ANKS4B: variants seen among roughly 807,000 people sequenced by gnomAD.
The protein encoded by ANKS4B is ankyrin repeat and sterile alpha motif domain containing 4B.
In ANKS4B, 21 loss-of-function variants were observed where a neutral mutation model predicts 20.2. That is an observed-to-expected ratio of 1.04 (90% confidence interval 0.74 to 1.50). ANKS4B has a LOEUF of 1.50. Ranked by LOEUF, ANKS4B falls within the 40% of genes most tolerant of loss-of-function variation. The probability of loss-of-function intolerance (pLI) is 0.00; values close to 1 mark genes in which losing one functional copy is unlikely to be tolerated. For synonymous variants in ANKS4B, 179 were observed against 194.5 expected (o/e 0.92, Z 0.66); for missense variants, 473 against 494.6 (o/e 0.96, Z 0.41).
In ANKS4B at chr16:21,250,909, C is replaced by A; in HGVS notation, c.*89C>A. On this transcript the variant is annotated 3_prime_UTR_variant, in exon 2 of 2. Coordinates refer to ENST00000311620, the MANE Select transcript of ANKS4B (RefSeq NM_145865.3). ...ACCCCCTCTTTACCCAATGCCAGAC[C>A]ACTGGGAATGGATTCTAGGGCATCG... 2.7e-6 allele frequency: 4 copies of A among 1,487,784 alleles called. No homozygotes were observed. Among genetic ancestry groups the A allele is most frequent in the Non-Finnish European group, 3.6e-6 (4 of 1,112,406 alleles). The allele number at this position is 1,487,784 out of a possible 1,614,324, so 92.2% of individuals were successfully genotyped here.
chr16:21,245,054 G>T (rs2093330730), intron 1 of ANKS4B, among the ~76,000 whole-genome samples: 1 of 152,112 alleles, frequency 6.6e-6, no homozygotes, highest in South Asian at 2.1e-4. Context: ...CCAGCTTATG[G>T]GCTGGAGCTG....
rs1295446798 is a variant in ANKS4B, at chr16:21,250,645, TCCTG to T, written c.1083_1086del (p.Pro362SerfsTer9). 6.2e-7 allele frequency: 1 copy of T among 1,613,980 alleles called. No individual in the cohort carries two copies. The highest frequency in any genetic ancestry group is 2.2e-5 in the East Asian group (1 of 44,878). The stretch of plus-strand genomic sequence containing the variant: ...TTGCTGTCTCAGCACCTGGAAGAAT[TCCTG>T]CCTATCTTCAAGAGAGAGCAGATTG... On this transcript the variant is annotated frameshift_variant, in exon 2 of 2. Transcript: ENST00000311620. LOFTEE classifies it high-confidence loss of function.
At chr16:21,237,174 C>A (rs1171547989) in intron 1 of ANKS4B, among the ~76,000 whole-genome samples, 1 of 152,072 alleles carries the variant, frequency 6.6e-6, no homozygotes, top group Non-Finnish European at 1.5e-5. Flanking sequence ...GCGTGCACTA[C>A]CACGCCGGGC....
chr16:21,245,016 T>C (rs2093330695), intron 1 of ANKS4B, among the ~76,000 whole-genome samples: 1 of 152,220 alleles, frequency 6.6e-6, no homozygotes, highest in Admixed American at 6.5e-5. Flanking sequence ...CACACTGTTC[T>C]CTCTGCTCAG....
At position 21,251,129 on chromosome 16, in the gene ANKS4B, G is replaced by T. The variant is rs567650233; in HGVS notation, c.*309G>T. Reference sequence around the variant, plus strand: ...TTTGTTTTGTTTTTTGGAGATGAAGGTCTCAGTCTCTTACCCAGGCTAGGG... The same window carrying T: ...TTTGTTTTGTTTTTTGGAGATGAAGTTCTCAGTCTCTTACCCAGGCTAGGG... On this transcript the variant is annotated 3_prime_UTR_variant, in exon 2 of 2. Transcript: ENST00000311620. 16 of 257,676 alleles carry T rather than the reference G, an allele frequency of 6.2e-5. No individual in the cohort carries two copies. In the South Asian group the frequency reaches 8.5e-4, roughly 14 times the overall value. The allele number at this position is 257,676 out of a possible 1,614,324, so 16.0% of individuals were successfully genotyped here. A position where few individuals can be genotyped will look rare whatever the true frequency, so the allele number is the denominator to read the frequency against.
At chr16:21,237,783 A>G (rs1174078485) in intron 1 of ANKS4B, among the ~76,000 whole-genome samples, 2 of 152,216 alleles carry the variant, frequency 1.3e-5, no homozygotes, top group African/African-American at 4.8e-5. Context: ...GCATATGTGC[A>G]ATTTAAATAG....
intron 1 of ANKS4B, among the ~76,000 whole-genome samples, chr16:21,245,747 G>A (rs1368545495): frequency 6.6e-6 from 1 of 152,140 alleles, no homozygotes; most frequent in African/African-American, 2.4e-5. Context: ...TTATAGGCAT[G>A]AGCCACCTCA....
rs528380415 is a variant in ANKS4B, at chr16:21,247,558, C to T, written c.165-2173C>T. Among the ~76,000 whole-genome samples the T allele has an allele frequency of 6.6e-5, 10 of 152,326 alleles. No individual in the cohort carries two copies. The East Asian group carries it at 1.9e-3, about 29-fold the overall frequency. On this transcript the variant is annotated intron_variant, in intron 1 of 1. Coordinates refer to ENST00000311620, the MANE Select transcript of ANKS4B (RefSeq NM_145865.3). ...GACTCACTGTCCTCTTTCCATGGGG[C>T]CAGGCTGGCCAGAGTTTAGTGAGAT...
chr16:21,251,521 T>A lies in ANKS4B; in HGVS notation c.*701T>A, dbSNP rs2093339480. 6.6e-6 allele frequency: 1 copy of A among 152,272 alleles called. No homozygotes were observed. The highest frequency in any genetic ancestry group is 1.9e-4 in the East Asian group (1 of 5,202). The allele number at this position is 152,272 out of a possible 1,614,324, so 9.4% of individuals were successfully genotyped here. ...AAATTATAATCTCATCACATTATCC[T>A]GCTGCTTGCTTTCCGATCTGTGTAA... On this transcript the variant is annotated 3_prime_UTR_variant, in exon 2 of 2. Coordinates refer to ENST00000311620, the MANE Select transcript of ANKS4B (RefSeq NM_145865.3).
chr16:21,241,691 C>T lies in ANKS4B; in HGVS notation c.164+7790C>T, dbSNP rs548072679. On this transcript the variant is annotated intron_variant, in intron 1 of 1. Coordinates refer to ENST00000311620, the MANE Select transcript of ANKS4B (RefSeq NM_145865.3). Reference sequence around the variant, plus strand: ...CCTCCCAAAGTGCTAGGATTATAGGCGTGAGCTACTGTGCCTGGCCAGTTT... The same window carrying T: ...CCTCCCAAAGTGCTAGGATTATAGGTGTGAGCTACTGTGCCTGGCCAGTTT... 1.3e-3 allele frequency among the ~76,000 whole-genome samples: 198 copies of T among 152,236 alleles called. 2 individuals are homozygous for T. The highest frequency in any genetic ancestry group is 2.3e-3 in the Non-Finnish European group (158 of 68,016).
At chr16:21,244,903 C>T (rs2093330540) in intron 1 of ANKS4B, among the ~76,000 whole-genome samples, 1 of 151,940 alleles carries the variant, frequency 6.6e-6, no homozygotes, top group South Asian at 2.1e-4. Context: ...TTTCCTTTTC[C>T]ACTCTTTCCC....
Position 21,233,894 on chromosome 16 carries a change from A to G in ANKS4B, c.157A>G (p.Ser53Gly), listed in dbSNP as rs780087986. ...GNLEALEIICSRGGDPDRCDI... is the reference protein window; with the variant it reads ...GNLEALEIICGRGGDPDRCDI... ...CTTGGAAGCCCTAGAGATAATCTGC[A>G]GTAGAGGGTAAGTTCAACCCGATGG... The change falls in exon 1 of 2, where the codon AGT becomes GGT. Residue 53 changes from serine (S) to glycine (G), a missense_variant. Ser to Gly is a moderately conservative substitution (Grantham distance 56). Transcript: ENST00000311620. 1.9e-6 allele frequency: 3 copies of G among 1,611,986 alleles called. No individual in the cohort carries two copies. The South Asian group carries it at 3.3e-5, about 18-fold the overall frequency.
rs2152859843 is a variant in ANKS4B, at chr16:21,246,881, G to A, written c.165-2850G>A. Among the ~76,000 whole-genome samples, 5 of 152,318 alleles carry A rather than the reference G, an allele frequency of 3.3e-5. No individual in the cohort carries two copies. In the Middle Eastern group the frequency reaches 0.014, roughly 414 times the overall value. ...TTCTTTGTAACTAACACACACCAAA[G>A]AGCCAGGGATTCCCGTGGAGTAACT... is the stretch of plus-strand genomic sequence containing the variant. On this transcript the variant is annotated intron_variant, in intron 1 of 1. Coordinates refer to ENST00000311620, the MANE Select transcript of ANKS4B (RefSeq NM_145865.3).
At chr16:21,240,953 G>C (rs1246484519) in intron 1 of ANKS4B, among the ~76,000 whole-genome samples, 1 of 151,964 alleles carries the variant, frequency 6.6e-6, no homozygotes, top group Non-Finnish European at 1.5e-5. Context: ...ACCATGCCCA[G>C]CTAATTTTGG....
chr16:21,251,253 C>CG lies in ANKS4B; in HGVS notation c.*433_*434insG. 1.2e-5 allele frequency: 2 copies of CG among 161,254 alleles called. No homozygotes were observed. The allele number at this position is 161,254 out of a possible 1,614,324, so 10.0% of individuals were successfully genotyped here. On this transcript the variant is annotated 3_prime_UTR_variant, in exon 2 of 2. Transcript: ENST00000311620. ...CCAAGTAGCTGAGACTACAGGTTCA[C>CG]ACCCCCCACACCTGGCTTATTTTGT...
chr16:21,248,734 A>G (rs1037841162), intron 1 of ANKS4B, among the ~76,000 whole-genome samples: 2 of 152,156 alleles, frequency 1.3e-5, no homozygotes, highest in African/African-American at 4.8e-5. Context: ...TCATCTCAAA[A>G]AAAATTATAT....
chr16:21,250,886 C>A lies in ANKS4B; in HGVS notation c.*66C>A. The A allele has an allele frequency of 6.6e-7, 1 of 1,516,092 alleles. No homozygotes were observed. Among genetic ancestry groups the A allele is most frequent in the Non-Finnish European group, 8.8e-7 (1 of 1,130,834 alleles). The allele number at this position is 1,516,092 out of a possible 1,614,324, so 93.9% of individuals were successfully genotyped here. A position where few individuals can be genotyped will look rare whatever the true frequency, so the allele number is the denominator to read the frequency against. On this transcript the variant is annotated 3_prime_UTR_variant, in exon 2 of 2. Transcript: ENST00000311620. ...CCGCTGGCAGCACTCCAGGCGGCAC[C>A]CCCTCTTTACCCAATGCCAGACCAC...
At position 21,251,069 on chromosome 16, in the gene ANKS4B, T is replaced by G; in HGVS notation, c.*249T>G. On this transcript the variant is annotated 3_prime_UTR_variant, in exon 2 of 2. Transcript: ENST00000311620. Reference sequence around the variant, plus strand: ...CATTTCTCTTCAGTTATCTTATATGTACATATAATTGTTTTTGTGGTTGTT... The same window carrying G: ...CATTTCTCTTCAGTTATCTTATATGGACATATAATTGTTTTTGTGGTTGTT... 2.2e-6 allele frequency: 1 copy of G among 446,180 alleles called. No individual in the cohort carries two copies. The allele number at this position is 446,180 out of a possible 1,614,324, so 27.6% of individuals were successfully genotyped here. A position where few individuals can be genotyped will look rare whatever the true frequency, so the allele number is the denominator to read the frequency against.
At position 21,233,902 on chromosome 16, in the gene ANKS4B, G is replaced by A; in HGVS notation, c.164+1G>A. ...CCCTAGAGATAATCTGCAGTAGAGG[G>A]TAAGTTCAACCCGATGGTTTCTGTT... is the stretch of plus-strand genomic sequence containing the variant. On this transcript the variant is annotated splice_donor_variant, in intron 1 of 1. Transcript: ENST00000311620. LOFTEE classifies it high-confidence loss of function. 1 of 1,609,858 alleles carries A rather than the reference G, an allele frequency of 6.2e-7. No individual in the cohort carries two copies. The highest frequency in any genetic ancestry group is 8.5e-7 in the Non-Finnish European group (1 of 1,177,874).
Sources: gnomAD v4.1 joint callset for allele counts (sites outside exome capture counted in the v4.1 genomes callset) on GRCh38, gnomAD v4.1.1 for gene constraint, MANE v1.5 for transcripts, NCBI Gene and HGNC (gene_info 2026-07-23, HGNC 2026-07-21) for gene names.